The following SLC9A6 variants were observed in gnomAD, a reference collection of about 807,000 sequenced individuals.
The protein encoded by SLC9A6 is solute carrier family 9 member A6, also known as sodium/hydrogen exchanger 6.
In SLC9A6, 6 loss-of-function variants were observed where a neutral mutation model predicts 45.3. The observed-to-expected ratio is 0.13, with a 90% CI of 0.07 to 0.26. SLC9A6 has a LOEUF of 0.26. Among genes scored for constraint, SLC9A6 ranks in the 10% least tolerant of loss-of-function variants. The pLI is 1.00. For synonymous variants in SLC9A6, 191 were observed against 187.7 expected, an observed-to-expected ratio of 1.02 and a Z score of -0.14; for missense variants, 278 against 503.7, an observed-to-expected ratio of 0.55 and a Z score of 4.29.
intron 11 of SLC9A6, among the ~76,000 whole-genome samples, chrX:136,020,660 C>G (rs782391781): frequency 2.7e-5 from 3 of 112,221 alleles, no homozygotes; most frequent in African/African-American, 9.7e-5. Context: ...CGTGAGCCAC[C>G]ACACCCAGCC....
intron 12 of SLC9A6, among the ~76,000 whole-genome samples, chrX:136,023,575 A>G (rs1556620195): frequency 6.3e-5 from 7 of 110,451 alleles, no homozygotes; most frequent in Admixed American, 3.9e-4. Context: ...TTCCCTTTAT[A>G]TGACATTCAC....
intron 13 of SLC9A6, among the ~76,000 whole-genome samples, chrX:136,026,575 G>A (rs911799790): frequency 1.7e-4 from 18 of 107,894 alleles, no homozygotes; most frequent in African/African-American, 4.8e-4. Context: ...TTGCTCTGTC[G>A]CTTAGGCTGG....
At chrX:135,976,757 TATTTGTATAAACCACCAATGC>T (rs2148124190) in intron 1 of SLC9A6, among the ~76,000 whole-genome samples, 1 of 112,174 alleles carries the variant, frequency 8.9e-6, no homozygotes, top group South Asian at 3.7e-4. Flanking sequence ...ATGAATCTGG[TATTTGTATAAACCACCAATGC>T]ATTATCCTAG....
At chrX:136,001,512 G>C (rs562927978) in intron 6 of SLC9A6, among the ~76,000 whole-genome samples, 1 of 111,189 alleles carries the variant, frequency 9.0e-6, no homozygotes, top group South Asian at 3.8e-4. Context: ...CTAAAAGGAG[G>C]ATTTATTGTT....
intron 8 of SLC9A6, 117 bp from the exon 9 acceptor site, chrX:136,012,831 AT>A: frequency 1.8e-6 from 1 of 568,992 alleles, no homozygotes. Flanking sequence ...TTATTCTGAG[AT>A]TTCTGTGTTA....
chrX:136,039,530 T>C (rs1446647952), intron 16 of SLC9A6, among the ~76,000 whole-genome samples: 1 of 111,847 alleles, frequency 8.9e-6, no homozygotes, highest in Non-Finnish European at 1.9e-5. Context: ...TTCCTTCTTA[T>C]AGCTTCCTAA....
At chrX:135,993,040 C>T (rs147127106) in intron 2 of SLC9A6, among the ~76,000 whole-genome samples, 1,417 of 111,861 alleles carry the variant, frequency 0.013, 11 homozygotes, top group Middle Eastern at 0.023. Context: ...AAGGAAAGTT[C>T]CAGAAGTTTG....
chrX:135,978,232 A>G (rs1271162831), intron 1 of SLC9A6, among the ~76,000 whole-genome samples: 1 of 112,022 alleles, frequency 8.9e-6, no homozygotes. Context: ...CTCTCTTTTG[A>G]CTATTTTAAT....
Position 136,040,179 on chromosome X carries a change from G to A in SLC9A6, c.1765G>A (p.Glu589Lys), listed in dbSNP as rs1556622379. Residue 589 changes from glutamate (E) to lysine (K), a missense_variant and splice_region_variant, in exon 17 of 18, where the codon GAA becomes AAA. Physicochemically the swap from Glu to Lys is moderately conservative, Grantham distance 56. This residue lies in a region of SLC9A6 where 91 missense variants were observed against 125.1 expected (regional missense o/e 0.73). Coordinates refer to ENST00000630721, the MANE Select transcript of SLC9A6 (RefSeq NM_001379110.1). The part of the protein sequence containing the change: ...ARCLTSPQAY[E>K]NQEQLKDDDS... ...GTGCCTCACCAGCCCCCAGGCTTAC[G>A]AAGTAAGTTGGTTTTATCCAAAACT... 4 of 1,192,244 alleles carry A rather than the reference G, an allele frequency of 3.4e-6. No individual in the cohort carries two copies. The highest frequency in any genetic ancestry group is 4.5e-6 in the Non-Finnish European group (4 of 879,366).
intron 1 of SLC9A6, chrX:135,974,970 T>C (rs782743985): frequency 2.4e-4 from 57 of 237,133 alleles, no homozygotes; most frequent in Non-Finnish European, 4.0e-4. Flanking sequence ...TTTTTCTTTG[T>C]CTTCATCTCC....
chrX:136,033,189 G>A (rs781831656), intron 15 of SLC9A6: 14 of 254,653 alleles, frequency 5.5e-5, no homozygotes, highest in Non-Finnish European at 8.0e-5. Context: ...AGTGAGAGTA[G>A]ATTCGTAAGT....
intron 10 of SLC9A6, among the ~76,000 whole-genome samples, chrX:136,016,400 G>A (rs2071020260): frequency 9.2e-6 from 1 of 108,669 alleles, no homozygotes; most frequent in South Asian, 4.1e-4. Context: ...GAAGAGGAGA[G>A]GAATAATTGA....
intron 2 of SLC9A6, among the ~76,000 whole-genome samples, chrX:135,993,988 A>G (rs12394374): frequency 0.19 from 21,259 of 110,891 alleles, 2,850 homozygotes; most frequent in African/African-American, 0.48. Flanking sequence ...TACAAATATT[A>G]TTGACTTTTC....
At chrX:135,997,183 A>G (rs1488805017) in intron 3 of SLC9A6, among the ~76,000 whole-genome samples, 5 of 110,242 alleles carry the variant, frequency 4.5e-5, no homozygotes, top group Non-Finnish European at 9.5e-5. Context: ...CAGCCTCCCA[A>G]GTAGCGGGGA....
At chrX:136,013,809 C>A (rs781800219) in intron 10 of SLC9A6, among the ~76,000 whole-genome samples, 3 of 112,133 alleles carry the variant, frequency 2.7e-5, no homozygotes, top group Non-Finnish European at 3.8e-5. Flanking sequence ...CTGATCTGAC[C>A]AGACCTACTA....
intron 12 of SLC9A6, among the ~76,000 whole-genome samples, chrX:136,023,630 AG>A (rs1190712736): frequency 9.1e-5 from 10 of 110,345 alleles, no homozygotes; most frequent in Admixed American, 6.8e-4. Context: ...AGTGGTTGCC[AG>A]GGGTTTGATG....
chrX:136,002,034 C>T (rs1292843948), intron 6 of SLC9A6, 74 bp from the exon 7 acceptor site: 8 of 674,114 alleles, frequency 1.2e-5, no homozygotes, highest in Admixed American at 2.2e-5. Flanking sequence ...AAATAACTCT[C>T]AGAGTCATCT....
chrX:136,006,613 ATATAT>A (rs1288478689), intron 7 of SLC9A6, among the ~76,000 whole-genome samples: 2 of 110,111 alleles, frequency 1.8e-5, no homozygotes, highest in African/African-American at 3.3e-5. Flanking sequence ...ATGTATATTG[ATATAT>A]TATGTTAGAT....
intron 3 of SLC9A6, among the ~76,000 whole-genome samples, chrX:135,997,703 A>C (rs974374288): frequency 1.8e-5 from 2 of 110,051 alleles, no homozygotes; most frequent in Admixed American, 9.8e-5. Flanking sequence ...GGTGTGAGCC[A>C]CTGCGCCTGG....
Sources: allele counts gnomAD v4.1 joint callset (sites outside exome capture counted in the v4.1 genomes callset), GRCh38; gene constraint gnomAD v4.1.1; regional missense constraint gnomAD v4.1.1; transcripts MANE v1.5; gene names NCBI Gene and HGNC (gene_info 2026-07-23, HGNC 2026-07-21).